SPAG16: variants seen among roughly 807,000 people sequenced by gnomAD.
SPAG16 encodes sperm-associated antigen 16 protein.
SPAG16 carries 86 observed loss-of-function variants against 80.4 expected under a neutral mutation model. The ratio of observed to expected loss-of-function variants is 1.07; its 90% CI spans 0.90 to 1.28. SPAG16 has a LOEUF of 1.28. SPAG16 is among the 50% of genes most tolerant of loss of function. The pLI is 0.00. For synonymous variants in SPAG16, 294 were observed against 265.9 expected (o/e 1.11, Z -1.03); for missense variants, 870 against 765.3 (o/e 1.14, Z -1.61).
chr2:213,872,036 T>G (rs1454754502), intron 11 of SPAG16, among the ~76,000 whole-genome samples: 1 of 152,160 alleles, frequency 6.6e-6, no homozygotes, highest in Non-Finnish European at 1.5e-5. Flanking sequence ...AACTTATGAA[T>G]ATGTCATGTT....
At chr2:214,305,584 T>C (rs2125965637) in intron 15 of SPAG16, among the ~76,000 whole-genome samples, 1 of 152,342 alleles carries the variant, frequency 6.6e-6, no homozygotes, top group Non-Finnish European at 1.5e-5. Context: ...TTCAATCTTC[T>C]GTATATGCCT....
At chr2:214,209,918 T>C in intron 15 of SPAG16, among the ~76,000 whole-genome samples, 1 of 152,160 alleles carries the variant, frequency 6.6e-6, no homozygotes, top group East Asian at 1.9e-4. Context: ...ATCTACAGTG[T>C]TTGTCATATG....
intron 10 of SPAG16, among the ~76,000 whole-genome samples, chr2:213,616,021 G>T (rs900469418): frequency 6.6e-6 from 1 of 152,108 alleles, no homozygotes. Flanking sequence ...TAACAAACCT[G>T]CATGTTCTGC....
chr2:213,440,731 T>C (rs7565069), intron 9 of SPAG16, among the ~76,000 whole-genome samples: 14,785 of 152,254 alleles, frequency 0.097, 1,880 homozygotes, highest in African/African-American at 0.29. Context: ...TTTGGTTATA[T>C]GTAAAAAATG....
At chr2:213,930,984 T>C (rs1575583221) in intron 12 of SPAG16, among the ~76,000 whole-genome samples, 2 of 152,158 alleles carry the variant, frequency 1.3e-5, no homozygotes, top group African/African-American at 4.8e-5. Flanking sequence ...GTTTTGAAGG[T>C]CCTCCCTTCA....
Position 213,674,551 on chromosome 2 carries a change from C to T in SPAG16, c.1070+184461C>T, listed in dbSNP as rs538174723. Among the ~76,000 whole-genome samples the T allele has an allele frequency of 8.5e-4, 127 of 149,188 alleles. 5 individuals are homozygous for T. Among genetic ancestry groups the T allele is most frequent in the African/African-American group, 3.1e-3 (121 of 38,804 alleles). ...CCTCCCCCTTTCCCCCACCCCACAA[C>T]AGTCCCCAGAGTGTGATGTTCCCCT... On this transcript the variant is annotated intron_variant, in intron 10 of 15. Transcript: ENST00000331683.
intron 14 of SPAG16, among the ~76,000 whole-genome samples, chr2:214,143,268 T>C (rs1162620543): frequency 6.8e-6 from 1 of 146,590 alleles, no homozygotes; most frequent in Non-Finnish European, 1.5e-5. Flanking sequence ...TTTCCTGATA[T>C]ATGTATATAT....
chr2:213,285,877 C>T (rs904675511), intron 1 of SPAG16: 3 of 1,288,494 alleles, frequency 2.3e-6, no homozygotes, highest in African/African-American at 1.5e-5. Flanking sequence ...TTTCATAATT[C>T]TTCCTAAGCT....
chr2:214,264,392 C>T (rs1320997055), intron 15 of SPAG16, among the ~76,000 whole-genome samples: 1 of 152,142 alleles, frequency 6.6e-6, no homozygotes. Context: ...CTGCTATGCT[C>T]ACTAATCCAT....
chr2:213,495,256 C>A (rs2074430456), intron 10 of SPAG16, among the ~76,000 whole-genome samples: 1 of 152,136 alleles, frequency 6.6e-6, no homozygotes, highest in African/African-American at 2.4e-5. Flanking sequence ...ACTTCCAGAC[C>A]TAACCCCTAA....
At chr2:213,479,524 G>A (rs574117402) in intron 9 of SPAG16, among the ~76,000 whole-genome samples, 59 of 151,858 alleles carry the variant, frequency 3.9e-4, no homozygotes, top group Non-Finnish European at 4.9e-4. Context: ...TGATAAATTA[G>A]GACTATCAAT....
intron 12 of SPAG16, among the ~76,000 whole-genome samples, chr2:214,012,286 A>ATTTTTTTT (rs1162955315): frequency 4.9e-4 from 27 of 54,924 alleles, no homozygotes; most frequent in Admixed American, 9.6e-4. Flanking sequence ...ATATATATAT[A>ATTTTTTTT]TATTTTTTTT....
At chr2:214,357,119 C>A (rs1455637831) in intron 15 of SPAG16, among the ~76,000 whole-genome samples, 4 of 151,812 alleles carry the variant, frequency 2.6e-5, no homozygotes, top group Admixed American at 1.3e-4. Flanking sequence ...TAATAGTCAC[C>A]CCTTGAATGG....
chr2:214,288,025 A>G (rs1693489872), intron 15 of SPAG16, among the ~76,000 whole-genome samples: 1 of 152,128 alleles, frequency 6.6e-6, no homozygotes, highest in African/African-American at 2.4e-5. Context: ...TATTTCTTCT[A>G]TTTAACTGTA....
chr2:213,476,880 TCCTGTGA>T (rs2073430740), intron 9 of SPAG16, among the ~76,000 whole-genome samples: 1 of 152,162 alleles, frequency 6.6e-6, no homozygotes, highest in South Asian at 2.1e-4. Flanking sequence ...TACATTCTTG[TCCTGTGA>T]CCAAAAGGAA....
At chr2:213,963,971 C>A (rs1414367066) in intron 12 of SPAG16, among the ~76,000 whole-genome samples, 1 of 152,004 alleles carries the variant, frequency 6.6e-6, no homozygotes, top group Admixed American at 6.5e-5. Context: ...TTAATTTATC[C>A]TTTCTGACAA....
intron 9 of SPAG16, among the ~76,000 whole-genome samples, chr2:213,387,611 C>T (rs546012607): frequency 2.8e-4 from 39 of 141,804 alleles, no homozygotes; most frequent in African/African-American, 1.0e-3. Flanking sequence ...CCCGCCACCA[C>T]GCCCGGCTAA....
At chr2:214,370,867 A>G (rs1325959716) in intron 15 of SPAG16, among the ~76,000 whole-genome samples, 1 of 152,170 alleles carries the variant, frequency 6.6e-6, no homozygotes, top group Non-Finnish European at 1.5e-5. Flanking sequence ...GCAAACTATA[A>G]TAACACAATT....
intron 15 of SPAG16, among the ~76,000 whole-genome samples, chr2:214,231,660 G>A (rs796739177): frequency 2.6e-5 from 4 of 152,154 alleles, no homozygotes; most frequent in African/African-American, 9.6e-5. Context: ...AAGAAAAGAG[G>A]TGATAGGATA....
Sources: gnomAD v4.1 joint callset for allele counts (sites outside exome capture counted in the v4.1 genomes callset) on GRCh38, gnomAD v4.1.1 for gene constraint, MANE v1.5 for transcripts, NCBI Gene and HGNC (gene_info 2026-07-23, HGNC 2026-07-21) for gene names.